ATP6V0D2: variants seen among roughly 807,000 people sequenced by gnomAD.
ATP6V0D2 encodes the protein ATPase H+ transporting V0 subunit d2.
Under a neutral mutation model 40.0 loss-of-function variants are expected in ATP6V0D2, and 40 were observed. That is an observed-to-expected ratio of 1.00 (90% CI 0.78 to 1.30). The LOEUF (loss-of-function observed/expected upper bound fraction) is 1.30. Among genes scored for constraint, ATP6V0D2 ranks in the 50% most tolerant of loss-of-function variants. ATP6V0D2 has a pLI of 0.00. For missense variants in ATP6V0D2, 470 were observed against 423.1 expected (o/e 1.11, Z -0.97); for synonymous variants, 179 against 156.3 (o/e 1.15, Z -1.08).
In ATP6V0D2 at chr8:86,141,549, T is replaced by C. The variant is rs544450700; in HGVS notation, c.561+20T>C. The C allele has an allele frequency of 1.2e-5, 19 of 1,544,440 alleles. No homozygotes were observed. Among genetic ancestry groups the C allele is most frequent in the Non-Finnish European group, 1.6e-5 (18 of 1,130,452 alleles). The stretch of plus-strand genomic sequence containing the variant: ...TACAAGGTAATGGTTTTCCCAAATA[T>C]TGTCTTTTTCTTGATTACACAATGT... On this transcript the variant is annotated intron_variant, in intron 4 of 7. Coordinates refer to ENST00000285393, the MANE Select transcript of ATP6V0D2 (RefSeq NM_152565.1).
rs554630643 is a variant in ATP6V0D2 at position 86,121,750 on chromosome 8, C to T, written c.302+7870C>T. On this transcript the variant is annotated intron_variant, in intron 2 of 7. Coordinates refer to ENST00000285393, the MANE Select transcript of ATP6V0D2 (RefSeq NM_152565.1). ...TCTCTTCCAGTATATCTTGCAAATT[C>T]GAGGGTCTCTCTAGCACCCATGAAA... Among the ~76,000 whole-genome samples the T allele has an allele frequency of 5.9e-5, 9 of 152,220 alleles. No individual in the cohort carries two copies. The East Asian group carries it at 1.2e-3, about 20-fold the overall frequency.
intron 1 of ATP6V0D2, among the ~76,000 whole-genome samples, chr8:86,104,184 G>A (rs887534648): frequency 6.6e-6 from 1 of 152,050 alleles, no homozygotes; most frequent in Non-Finnish European, 1.5e-5. Flanking sequence ...GTGTCCCTCT[G>A]CAGGAAATAA....
chr8:86,131,156 G>T (rs889099527), intron 2 of ATP6V0D2, among the ~76,000 whole-genome samples: 17 of 151,614 alleles, frequency 1.1e-4, no homozygotes, highest in African/African-American at 3.9e-4. Flanking sequence ...TATATTATAT[G>T]CATTTTTCTA....
chr8:86,142,765 A>T, intron 4 of ATP6V0D2, 112 bp from the exon 5 acceptor site: 1 of 617,074 alleles, frequency 1.6e-6, no homozygotes, highest in Non-Finnish European at 2.8e-6. Flanking sequence ...CCTATGGGAG[A>T]TGTAATTCAG....
At chr8:86,118,080 TCTTTC>T (rs1253108027) in intron 2 of ATP6V0D2, among the ~76,000 whole-genome samples, 4 of 102,950 alleles carry the variant, frequency 3.9e-5, no homozygotes, top group African/African-American at 1.5e-4. Context: ...CTTCTTTCTT[TCTTTC>T]TTTTTTTTTT....
At chr8:86,125,980 C>T (rs556604140) in intron 2 of ATP6V0D2, among the ~76,000 whole-genome samples, 1 of 149,852 alleles carries the variant, frequency 6.7e-6, no homozygotes, top group South Asian at 2.1e-4. Context: ...CTCTGTCACC[C>T]AGGCTAGAGT....
chr8:86,139,498 G>C lies in ATP6V0D2; in HGVS notation c.344G>C (p.Gly115Ala), dbSNP rs376998954. Residue 115 changes from glycine (G) to alanine (A), a missense_variant, in exon 3 of 8, where the codon GGT (glycine) becomes GCT (alanine). Transcript: ENST00000285393. ...MIDNVILLMNGALQKKSVKEI... is the reference protein window; with the variant it reads ...MIDNVILLMNAALQKKSVKEI... ...GACAATGTGATTCTGCTGATGAATG[G>C]TGCATTGCAGAAAAAATCTGTGAAA... 6.2e-7 allele frequency: 1 copy of C among 1,613,574 alleles called. No homozygotes were observed. The highest frequency in any genetic ancestry group is 8.5e-7 in the Non-Finnish European group (1 of 1,179,772).
chr8:86,126,901 G>C (rs558463687), intron 2 of ATP6V0D2, among the ~76,000 whole-genome samples: 1 of 152,216 alleles, frequency 6.6e-6, no homozygotes, highest in African/African-American at 2.4e-5. Context: ...ATACTGAAGA[G>C]GTTTCTTAAA....
chr8:86,152,862 T>G lies in ATP6V0D2; in HGVS notation c.938T>G (p.Val313Gly). Residue 313 changes from valine (V) to glycine (G), a missense_variant, in exon 8 of 8, where the codon GTG (valine) becomes GGG (glycine). Val to Gly is a moderately radical substitution (Grantham distance 109). Coordinates refer to ENST00000285393, the MANE Select transcript of ATP6V0D2 (RefSeq NM_152565.1). Reference protein sequence around the residue: ...LAFNRQFHYGVFYAYVKLKEQ... With the variant: ...LAFNRQFHYGGFYAYVKLKEQ... ...TTCAACAGACAGTTCCACTACGGTG[T>G]GTTTTATGCATATGTAAAGCTGAAG... The G allele has an allele frequency of 6.2e-7, 1 of 1,611,508 alleles. No homozygotes were observed. The highest frequency in any genetic ancestry group is 8.5e-7 in the Non-Finnish European group (1 of 1,179,190).
At chr8:86,113,904 A>C in intron 2 of ATP6V0D2, 24 bp downstream of exon 2, 1 of 1,599,468 alleles carries the variant, frequency 6.3e-7, no homozygotes. Context: ...GAAAGCCCTA[A>C]TAAGCCCCAA....
intron 2 of ATP6V0D2, among the ~76,000 whole-genome samples, chr8:86,116,834 C>A (rs1229415659): frequency 6.6e-6 from 1 of 152,060 alleles, no homozygotes; most frequent in Non-Finnish European, 1.5e-5. Flanking sequence ...AATTTTAACC[C>A]CCTACAACAA....
At chr8:86,103,291 A>T (rs867458711) in intron 1 of ATP6V0D2, among the ~76,000 whole-genome samples, 361 of 107,190 alleles carry the variant, frequency 3.4e-3, no homozygotes, top group Middle Eastern at 0.016. Context: ...CTAGTTTTGT[A>T]TTTTTTTTTT....
chr8:86,104,844 A>AAC (rs1376640050), intron 1 of ATP6V0D2, among the ~76,000 whole-genome samples: 1 of 60,986 alleles, frequency 1.6e-5, no homozygotes, highest in African/African-American at 7.4e-5. Context: ...TCCTGTTTAA[A>AAC]ACACATACAC....
Position 86,142,891 on chromosome 8 carries a change from A to T in ATP6V0D2, c.576A>T (p.Ala192=). Residue 192 remains alanine, a synonymous_variant, in exon 5 of 8, where the codon GCA becomes GCT. Coordinates refer to ENST00000285393, the MANE Select transcript of ATP6V0D2 (RefSeq NM_152565.1). ...TTCTTTTTAAGTCTTACCTTGAGGC[A>T]TTCTATAAATTCTGTAAGAATCATG... ...RNKLYKSYLE[A]FYKFCKNHGD... The T allele has an allele frequency of 6.2e-7, 1 of 1,606,222 alleles. No individual in the cohort carries two copies. Among genetic ancestry groups the T allele is most frequent in the East Asian group, 2.2e-5 (1 of 44,682 alleles).
chr8:86,106,983 C>G (rs940062046), intron 1 of ATP6V0D2, among the ~76,000 whole-genome samples: 1 of 151,616 alleles, frequency 6.6e-6, no homozygotes, highest in African/African-American at 2.4e-5. Context: ...TTGCAGTGAG[C>G]TATGATTATG....
At position 86,113,692 on chromosome 8, in the gene ATP6V0D2, G is replaced by T. The variant is rs557848563; in HGVS notation, c.131-17G>T. ...TGTTCAAAATTTAACCTGAATTGGG[G>T]TTTCATTTAATTTCAGACCTGAAAA... is the stretch of plus-strand genomic sequence containing the variant. On this transcript the variant is annotated splice_polypyrimidine_tract_variant and intron_variant, in intron 1 of 7. Transcript: ENST00000285393. 1.6e-5 allele frequency: 25 copies of T among 1,579,388 alleles called. No homozygotes were observed. The South Asian group carries it at 2.6e-4, about 16-fold the overall frequency.
Sources: gnomAD v4.1 joint callset for allele counts (sites outside exome capture counted in the v4.1 genomes callset) on GRCh38, gnomAD v4.1.1 for gene constraint, MANE v1.5 for transcripts, NCBI Gene and HGNC (gene_info 2026-07-23, HGNC 2026-07-21) for gene names.